ACYP2: variants seen among roughly 807,000 people sequenced by gnomAD.
ACYP2 encodes acylphosphatase-2.
A neutral mutation model predicts 11.2 loss-of-function variants in ACYP2; 12 were observed. The observed-to-expected ratio is 1.08, with a 90% CI of 0.69 to 1.74. The LOEUF (loss-of-function observed/expected upper bound fraction) is 1.74, where lower values mean the gene tolerates loss of function less well. Ranked by LOEUF, ACYP2 falls within the 40% of genes most tolerant of loss-of-function variation. ACYP2 has a pLI of 0.00. For synonymous variants in ACYP2, 43 were observed against 32.2 expected (o/e 1.33, Z -1.13); for missense variants, 134 against 101.9 (o/e 1.31, Z -1.35).
At chr2:54,179,257 T>TGGGGGGGGGGGGGGGGGGGGGGGGGG (rs1050374960) in intron 6 of ACYP2, among the ~76,000 whole-genome samples, 1 of 18,138 alleles carries the variant, frequency 5.5e-5, no homozygotes, top group Non-Finnish European at 1.4e-4. Flanking sequence ...GGTGGGTGGG[T>TGGGGGGGGGGGGGGGGGGGGGGGGGG]GGGGGAGGAG....
intron 6 of ACYP2, chr2:54,253,216 A>G (rs907510374): frequency 6.6e-6 from 1 of 152,236 alleles, no homozygotes; most frequent in African/African-American, 2.4e-5. Context: ...CATGAACACA[A>G]TAGTTTCCAG....
At chr2:54,045,112 A>G (rs773056662) in intron 2 of ACYP2, among the ~76,000 whole-genome samples, 9 of 152,220 alleles carry the variant, frequency 5.9e-5, no homozygotes, top group Non-Finnish European at 8.8e-5. Flanking sequence ...CTGCATACCA[A>G]TGAAACTACT....
chr2:54,010,530 G>A (rs1338807266), intron 2 of ACYP2, among the ~76,000 whole-genome samples: 1 of 150,232 alleles, frequency 6.7e-6, no homozygotes, highest in Non-Finnish European at 1.5e-5. Flanking sequence ...TGGGATTATT[G>A]TACATTGTAT....
At chr2:54,185,955 T>C (rs7589185) in intron 6 of ACYP2, among the ~76,000 whole-genome samples, 3,045 of 151,686 alleles carry the variant, frequency 0.02, 86 homozygotes, top group African/African-American at 0.069. Context: ...ATATATGTAT[T>C]ATAAATATAA....
chr2:54,254,752 G>T, intron 6 of ACYP2: 2 of 643,882 alleles, frequency 3.1e-6, no homozygotes, highest in Non-Finnish European at 5.3e-6. Flanking sequence ...GAGCAGCACA[G>T]CCACCAAGGT....
chr2:53,990,740 C>CA (rs547869416), intron 2 of ACYP2, among the ~76,000 whole-genome samples: 238 of 150,512 alleles, frequency 1.6e-3, no homozygotes, highest in African/African-American at 5.5e-3. Flanking sequence ...CTTCTACTGT[C>CA]AGAGTTTCTG....
intron 6 of ACYP2, among the ~76,000 whole-genome samples, chr2:54,198,612 AAAATT>A (rs1182480308): frequency 6.9e-5 from 7 of 101,852 alleles, no homozygotes; most frequent in Admixed American, 2.5e-4. Context: ...TAAGTAAAGA[AAAATT>A]AAAGCTTAAA....
chr2:54,024,318 A>T (rs1394773106), intron 2 of ACYP2, among the ~76,000 whole-genome samples: 1 of 152,200 alleles, frequency 6.6e-6, no homozygotes, highest in African/African-American at 2.4e-5. Flanking sequence ...TTCAGCCGAG[A>T]TCCCGTCACT....
At chr2:54,283,943 C>T (rs1258729382) in intron 6 of ACYP2, among the ~76,000 whole-genome samples, 4 of 152,114 alleles carry the variant, frequency 2.6e-5, no homozygotes, top group Non-Finnish European at 5.9e-5. Context: ...GGAGAAACCC[C>T]GTCTCTACTA....
intron 4 of ACYP2, among the ~76,000 whole-genome samples, chr2:54,119,991 T>C (rs1680050568): frequency 6.6e-6 from 1 of 152,230 alleles, no homozygotes. Context: ...ATTTTTGTTA[T>C]GATAAGACTG....
At chr2:53,998,071 A>G (rs1280335428) in intron 2 of ACYP2, among the ~76,000 whole-genome samples, 1 of 152,204 alleles carries the variant, frequency 6.6e-6, no homozygotes, top group Non-Finnish European at 1.5e-5. Flanking sequence ...TGTCTCTTTT[A>G]TCTGAGTTTC....
intron 4 of ACYP2, among the ~76,000 whole-genome samples, chr2:54,079,715 G>A (rs1036916119): frequency 5.3e-5 from 8 of 152,080 alleles, no homozygotes; most frequent in Non-Finnish European, 7.4e-5. Flanking sequence ...ATTTAGGTTC[G>A]GAATAGCTTG....
At chr2:54,289,433 G>C (rs1339762403) in intron 6 of ACYP2, among the ~76,000 whole-genome samples, 1 of 152,016 alleles carries the variant, frequency 6.6e-6, no homozygotes, top group African/African-American at 2.4e-5. Flanking sequence ...AATCTAGGCA[G>C]AAACACCTTT....
At chr2:54,027,573 T>C (rs1251073843) in intron 2 of ACYP2, among the ~76,000 whole-genome samples, 1 of 152,300 alleles carries the variant, frequency 6.6e-6, no homozygotes, top group Middle Eastern at 3.4e-3. Flanking sequence ...TTATACTAAA[T>C]AATTTTGTTA....
chr2:54,054,110 G>A (rs1020220906), intron 3 of ACYP2, among the ~76,000 whole-genome samples: 1 of 152,156 alleles, frequency 6.6e-6, no homozygotes, highest in African/African-American at 2.4e-5. Context: ...GGATTTTCCT[G>A]TACAATGAAA....
Position 54,096,377 on chromosome 2 carries a change from C to T in ACYP2, c.277+39017C>T, listed in dbSNP as rs1172285379. On this transcript the variant is annotated intron_variant, in intron 4 of 6. Coordinates refer to ENST00000607452, the MANE Select transcript of ACYP2 (RefSeq NM_001320586.2). ...GGCAGCCAGGCAGAGGGGCTCCTCA[C>T]GTCCCAGACGATGGATGGCCAGGCA... Among the ~76,000 whole-genome samples the T allele has an allele frequency of 2.7e-5, 4 of 150,342 alleles. No homozygotes were observed. The East Asian group carries it at 8.1e-4, about 30-fold the overall frequency.
At chr2:54,058,161 G>A (rs752256785) in intron 4 of ACYP2, among the ~76,000 whole-genome samples, 2 of 152,028 alleles carry the variant, frequency 1.3e-5, no homozygotes, top group Non-Finnish European at 2.9e-5. Flanking sequence ...TAAATGGAGT[G>A]TTGGTGTTAA....
intron 6 of ACYP2, among the ~76,000 whole-genome samples, chr2:54,199,444 C>G (rs1200896575): frequency 6.6e-6 from 1 of 152,140 alleles, no homozygotes; most frequent in Non-Finnish European, 1.5e-5. Context: ...AGTCTGGGAC[C>G]TAAGTGAGGG....
At chr2:54,024,574 G>T (rs563874586) in intron 2 of ACYP2, among the ~76,000 whole-genome samples, 55 of 152,280 alleles carry the variant, frequency 3.6e-4, no homozygotes, top group African/African-American at 1.3e-3. Context: ...AATTGGCATA[G>T]AAGGGACATA....
Sources: allele counts gnomAD v4.1 joint callset (sites outside exome capture counted in the v4.1 genomes callset), GRCh38; gene constraint gnomAD v4.1.1; transcripts MANE v1.5; gene names NCBI Gene and HGNC (gene_info 2026-07-23, HGNC 2026-07-21).